HSP90AA1: variants seen among roughly 807,000 people sequenced by gnomAD.
The protein encoded by HSP90AA1 is heat shock protein 90 alpha family class A member 1, also known as heat shock protein HSP 90-alpha.
Under a neutral mutation model 73.3 loss-of-function variants are expected in HSP90AA1, and 18 were observed. That is an observed-to-expected ratio of 0.25 (90% CI 0.17 to 0.36). The LOEUF (loss-of-function observed/expected upper bound fraction) is 0.36. HSP90AA1 is among the 10% of genes least tolerant of loss of function. The pLI, the probability that HSP90AA1 is intolerant of heterozygous loss-of-function variation, is 1.00. For synonymous variants in HSP90AA1, 477 were observed against 296.9 expected (o/e 1.61, Z -6.24); for missense variants, 704 against 874.2 (o/e 0.81, Z 2.45).
chr14:102,120,563 A>G (rs2049763987), intron 1 of HSP90AA1, among the ~76,000 whole-genome samples: 1 of 152,178 alleles, frequency 6.6e-6, no homozygotes, highest in South Asian at 2.1e-4. Flanking sequence ...GTTACTCTCT[A>G]AAAAGTGAAA....
intron 2 of HSP90AA1, among the ~76,000 whole-genome samples, chr14:102,095,109 A>C (rs981774968): frequency 1.3e-5 from 2 of 152,140 alleles, no homozygotes; most frequent in African/African-American, 4.8e-5. Context: ...ATCCACGTGG[A>C]TGGGCCTCCA....
intron 1 of HSP90AA1, among the ~76,000 whole-genome samples, chr14:102,114,961 C>T (rs868381707): frequency 7.3e-5 from 11 of 151,650 alleles, no homozygotes; most frequent in African/African-American, 2.4e-4. Context: ...GGTGAAACCC[C>T]GTCTCTACTA....
At chr14:102,139,688 G>T, upstream of HSP90AA1, 1 of 674,970 alleles carries the variant, frequency 1.5e-6, no homozygotes, top group South Asian at 2.0e-5. Flanking sequence ...GCCACACCCG[G>T]GGGAGGAGCC....
chr14:102,109,767 G>A (rs1419530679), intron 1 of HSP90AA1, among the ~76,000 whole-genome samples: 1 of 152,154 alleles, frequency 6.6e-6, no homozygotes, highest in Non-Finnish European at 1.5e-5. Flanking sequence ...GAACAGTTTG[G>A]AGGGCTCAGA....
At chr14:102,126,284 A>AC in intron 1 of HSP90AA1, among the ~76,000 whole-genome samples, 1 of 152,200 alleles carries the variant, frequency 6.6e-6, no homozygotes, top group Non-Finnish European at 1.5e-5. Context: ...ACTACAAGTT[A>AC]CCATAGCTCA....
chr14:102,083,750 A>G, intron 7 of HSP90AA1, 43 bp downstream of exon 7: 2 of 1,534,954 alleles, frequency 1.3e-6, no homozygotes, highest in Admixed American at 3.5e-5. Flanking sequence ...AAAAAAAAAA[A>G]CTAAAGAGGC....
chr14:102,104,476 G>T (rs1426861004), intron 1 of HSP90AA1, among the ~76,000 whole-genome samples: 1 of 152,100 alleles, frequency 6.6e-6, no homozygotes, highest in African/African-American at 2.4e-5. Context: ...GCCTCCCAAA[G>T]TGCTGGGACT....
intron 1 of HSP90AA1, among the ~76,000 whole-genome samples, chr14:102,125,015 G>T (rs1205999490): frequency 6.6e-6 from 1 of 152,068 alleles, no homozygotes; most frequent in East Asian, 1.9e-4. Flanking sequence ...TTTTTGAGAT[G>T]AAGTCTCACT....
intron 9 of HSP90AA1, 81 bp from the exon 10 acceptor site, chr14:102,082,525 A>T: frequency 9.6e-7 from 1 of 1,039,296 alleles, no homozygotes; most frequent in Non-Finnish European, 1.5e-6. Flanking sequence ...TGTAGAACCC[A>T]AATTTCAATA....
intron 2 of HSP90AA1, among the ~76,000 whole-genome samples, chr14:102,092,159 C>A (rs1372145816): frequency 1.3e-5 from 2 of 151,818 alleles, no homozygotes; most frequent in Non-Finnish European, 2.9e-5. Context: ...ACCTCCGCCT[C>A]CTGGGTTCAA....
At chr14:102,102,157 T>G in intron 1 of HSP90AA1, 1 of 1,310,334 alleles carries the variant, frequency 7.6e-7, no homozygotes, top group East Asian at 2.3e-5. Context: ...GAGGATGAAC[T>G]TGGACAGCCC....
intron 1 of HSP90AA1, among the ~76,000 whole-genome samples, chr14:102,106,782 G>GCT (rs1273186260): frequency 2.6e-5 from 4 of 151,860 alleles, no homozygotes; most frequent in African/African-American, 9.7e-5. Flanking sequence ...GACCTCAGGT[G>GCT]ATCTACCCAC....
intron 2 of HSP90AA1, among the ~76,000 whole-genome samples, chr14:102,094,965 C>T (rs1366614168): frequency 6.6e-6 from 1 of 152,124 alleles, no homozygotes; most frequent in Non-Finnish European, 1.5e-5. Flanking sequence ...CAGGGTGAAG[C>T]ACAGGAGCCC....
rs1335331739 is a variant in HSP90AA1, at chr14:102,083,552, T to C, written c.1480A>G (p.Ile494Val). 1.9e-6 allele frequency: 3 copies of C among 1,613,496 alleles called. No individual in the cohort carries two copies. The highest frequency in any genetic ancestry group is 2.2e-5 in the East Asian group (1 of 44,886). ...TAACATAGTGTTCTCTTACCTGTGATATAATAGATATGTTTCTGGTTCTCC... is the reference window on the plus strand; with the variant it reads ...TAACATAGTGTTCTCTTACCTGTGACATAATAGATATGTTTCTGGTTCTCC... ...MKENQKHIYY[I>V]TGETKDQVAN... The change falls in exon 8 of 11, where the codon ATC becomes GTC. Residue 494 changes from isoleucine to valine, a missense_variant. Ile to Val is a conservative substitution (Grantham distance 29). Transcript: ENST00000216281.
chr14:102,137,101 C>G (rs1362048198), intron 1 of HSP90AA1, among the ~76,000 whole-genome samples: 1 of 151,728 alleles, frequency 6.6e-6, no homozygotes, highest in African/African-American at 2.4e-5. Flanking sequence ...GTAATCCCAG[C>G]TATTCGGGAG....
In HSP90AA1 at chr14:102,084,912, T is replaced by C. The variant is rs770336929; in HGVS notation, c.750A>G (p.Lys250=). The change falls in exon 5 of 11, where the codon AAA becomes AAG. Residue 250 remains lysine (K), a synonymous_variant. Transcript: ENST00000216281. ...DKEEEKEKEE[K]ESEDKPEIED... Reference sequence around the variant, plus strand: ...CAATTTCAGGTTTGTCTTCCGACTCTTTCTCTTCTTTTTCTTTTTCTTCTT... The same window carrying C: ...CAATTTCAGGTTTGTCTTCCGACTCCTTCTCTTCTTTTTCTTTTTCTTCTT... The C allele has an allele frequency of 7.6e-6, 12 of 1,583,102 alleles. No homozygotes were observed. In the South Asian group the frequency reaches 1.3e-4, roughly 18 times the overall value.
chr14:102,135,528 G>C (rs2049979238), intron 1 of HSP90AA1, among the ~76,000 whole-genome samples: 2 of 152,282 alleles, frequency 1.3e-5, no homozygotes. Flanking sequence ...TCAGCCCTTG[G>C]GTGGTCGATG....
At chr14:102,115,408 G>T (rs1045850766) in intron 1 of HSP90AA1, among the ~76,000 whole-genome samples, 4 of 152,126 alleles carry the variant, frequency 2.6e-5, no homozygotes, top group South Asian at 2.1e-4. Context: ...GATTTGCAAG[G>T]ATTTATGTAA....
chr14:102,129,691 G>T lies in HSP90AA1; in HGVS notation c.155+9559C>A, dbSNP rs551431329. On this transcript the variant is annotated intron_variant, in intron 1 of 11. Coordinates refer to the HSP90AA1 transcript ENST00000334701. ...CTAATTTTTGTATTTTTTTAGTAGA[G>T]ACGAGGTTTCACCGTGTTGGCTAGG... is the stretch of plus-strand genomic sequence containing the variant. 2.6e-4 allele frequency among the ~76,000 whole-genome samples: 39 copies of T among 152,008 alleles called. No homozygotes were observed. The East Asian group carries it at 7.4e-3, about 29-fold the overall frequency.
Sources: gnomAD v4.1 joint callset for allele counts (sites outside exome capture counted in the v4.1 genomes callset) on GRCh38, gnomAD v4.1.1 for gene constraint, MANE v1.5 for transcripts, NCBI Gene and HGNC (gene_info 2026-07-23, HGNC 2026-07-21) for gene names.